Variants in HEATR3 observed in about 807,000 individuals in gnomAD.
HEATR3 encodes HEAT repeat containing 3, also known as HEAT repeat-containing protein 3.
In HEATR3, 56 loss-of-function variants were observed where a neutral mutation model predicts 72.8. The observed-to-expected ratio is 0.77, with a 90% confidence interval of 0.62 to 0.96. The LOEUF is 0.96. Among genes scored for constraint, HEATR3 ranks in the 40% least tolerant of loss-of-function variants. The pLI, the probability that HEATR3 is intolerant of heterozygous loss-of-function variation, is 0.00. For synonymous variants in HEATR3, 331 were observed against 318.1 expected (o/e 1.04, Z -0.43); for missense variants, 747 against 831.4 (o/e 0.90, Z 1.25).
In HEATR3 at chr16:50,066,251, G is replaced by A. The variant is rs1417746390; in HGVS notation, c.120G>A (p.Ala40=). ...GAGGCGAGGAGGACGACGGGCCGGC[G>A]GCGGAGCTGCTGGAAAAGGTGAGGC... is the stretch of plus-strand genomic sequence containing the variant. ...GTGGEEDDGP[A]AELLEKLQHP... The change falls in exon 1 of 15, where the codon GCG becomes GCA. Residue 40 remains alanine, a synonymous_variant. Coordinates refer to ENST00000299192, the MANE Select transcript of HEATR3 (RefSeq NM_182922.4). 6.4e-7 allele frequency: 1 copy of A among 1,563,730 alleles called. No individual in the cohort carries two copies.
At position 50,102,312 on chromosome 16, in the gene HEATR3, A is replaced by G; in HGVS notation, c.1797A>G (p.Val599=). The change falls in exon 14 of 15, where the codon GTA becomes GTG. Residue 599 remains valine, a synonymous_variant. Coordinates refer to ENST00000299192, the MANE Select transcript of HEATR3 (RefSeq NM_182922.4). ...CCACCAAAGATCCTTCCCTTGTGGT[A>G]GCAGGAGAAGCTTTGGATGCCCTCT... is the stretch of plus-strand genomic sequence containing the variant. ...EVTTKDPSLV[V]AGEALDALFD... is the part of the protein sequence containing the mutation. 1 of 1,614,138 alleles carries G rather than the reference A, an allele frequency of 6.2e-7. No individual in the cohort carries two copies.
intron 11 of HEATR3, among the ~76,000 whole-genome samples, chr16:50,088,548 G>A (rs1023130788): frequency 1.3e-5 from 2 of 152,318 alleles, no homozygotes; most frequent in South Asian, 2.1e-4. Flanking sequence ...GAGGCAGCTC[G>A]TCAGTGTGAG....
intron 6 of HEATR3, 130 bp from the exon 7 acceptor site, chr16:50,078,611 A>G: frequency 1.2e-6 from 1 of 828,934 alleles, no homozygotes; most frequent in East Asian, 2.7e-5. Context: ...TTAATAAATA[A>G]TGAACAAAGG....
rs991879561 is a variant in HEATR3 at position 50,078,984 on chromosome 16, T to C, written c.1007T>C (p.Val336Ala). ...EMEGISHKRR[V>A]RRKTFVSDLL... ...GAAGGAATTTCTCATAAAAGAAGAG[T>C]CAGAAGGAAAACTTTCGTTTCAGAT... Residue 336 changes from valine (V) to alanine (A), a missense_variant, in exon 7 of 15, where the codon GTC becomes GCC. By Grantham distance (64) the Val-to-Ala change is moderately conservative. Around this residue, in one of 2 missense-constraint regions of HEATR3, gnomAD observed 586 missense variants for 708.8 expected, o/e 0.83. Coordinates refer to ENST00000299192, the MANE Select transcript of HEATR3 (RefSeq NM_182922.4). 22 of 1,613,090 alleles carry C rather than the reference T, an allele frequency of 1.4e-5. No individual in the cohort carries two copies. The highest frequency in any genetic ancestry group is 1.7e-5 in the Non-Finnish European group (20 of 1,179,684).
intron 3 of HEATR3, 125 bp from the exon 4 acceptor site, chr16:50,070,053 G>T: frequency 4.0e-6 from 2 of 499,958 alleles, no homozygotes; most frequent in Non-Finnish European, 7.3e-6. Flanking sequence ...TGTTTGTAAG[G>T]ATTCGACTGG....
At chr16:50,097,654 C>A (rs2037272545) in intron 12 of HEATR3, among the ~76,000 whole-genome samples, 1 of 152,078 alleles carries the variant, frequency 6.6e-6, no homozygotes, top group Non-Finnish European at 1.5e-5. Context: ...GTGGCTCATG[C>A]CTGTAATCCC....
intron 4 of HEATR3, 130 bp downstream of exon 4, chr16:50,070,420 C>A: frequency 2.5e-6 from 1 of 398,196 alleles, no homozygotes; most frequent in Admixed American, 4.4e-5. Context: ...ATGGTAGGGG[C>A]CGGACATGGT....
chr16:50,102,716 G>C (rs2037395992), intron 14 of HEATR3, among the ~76,000 whole-genome samples: 1 of 152,076 alleles, frequency 6.6e-6, no homozygotes, highest in African/African-American at 2.4e-5. Context: ...ATTATACTCT[G>C]TATTTTGCAA....
Position 50,066,055 on chromosome 16 carries a change from T to C in HEATR3, c.-77T>C. 2.0e-6 allele frequency: 3 copies of C among 1,481,374 alleles called. No homozygotes were observed. The highest frequency in any genetic ancestry group is 2.0e-5 in the Admixed American group (1 of 49,014). The allele number at this position is 1,481,374 out of a possible 1,614,324, so 91.8% of individuals were successfully genotyped here. Reference sequence around the variant, plus strand: ...CCAGCTGAGCAGCAGCAACGGACCTTGTTAACGGCGCGGCAGCCTCCACCG... The same window carrying C: ...CCAGCTGAGCAGCAGCAACGGACCTCGTTAACGGCGCGGCAGCCTCCACCG... On this transcript the variant is annotated 5_prime_UTR_variant, in exon 1 of 15. Coordinates refer to ENST00000299192, the MANE Select transcript of HEATR3 (RefSeq NM_182922.4).
chr16:50,070,347 C>T (rs2036584582), intron 4 of HEATR3, 57 bp downstream of exon 4: 4 of 822,922 alleles, frequency 4.9e-6, no homozygotes, highest in Non-Finnish European at 8.0e-6. Flanking sequence ...CTGCTATTCT[C>T]TGTTATACTG....
rs577340561 is a variant in HEATR3 at position 50,098,341 on chromosome 16, A to G, written c.1600-1889A>G. On this transcript the variant is annotated intron_variant, in intron 12 of 14. Transcript: ENST00000299192. ...AAGTTGGTATACAACCCCCCACGCTAAGTTTGACTGGCTTTAAAAATAATA... is the reference window on the plus strand; with the variant it reads ...AAGTTGGTATACAACCCCCCACGCTGAGTTTGACTGGCTTTAAAAATAATA... 1.2e-3 allele frequency: 177 copies of G among 152,218 alleles called. 1 individual carries two copies. Among genetic ancestry groups the G allele is most frequent in the African/African-American group, 4.2e-3 (173 of 41,552 alleles). 9.4% of individuals were successfully genotyped at this position (152,218 alleles called of 1,614,324 possible). A position where few individuals can be genotyped will look rare whatever the true frequency, so the allele number is the denominator to read the frequency against.
intron 7 of HEATR3, among the ~76,000 whole-genome samples, chr16:50,081,266 C>T (rs1364376224): frequency 6.6e-6 from 1 of 151,980 alleles, no homozygotes; most frequent in Non-Finnish European, 1.5e-5. Flanking sequence ...ATGGTGAAAC[C>T]CCATCTCTAC....
Position 50,105,595 on chromosome 16 carries a change from G to GGCTGTAT in HEATR3, c.*535_*541dup, listed in dbSNP as rs1303349306. 1 of 153,618 alleles carries GGCTGTAT rather than the reference G, an allele frequency of 6.5e-6. No homozygotes were observed. The highest frequency in any genetic ancestry group is 1.4e-5 in the Non-Finnish European group (1 of 69,372). The allele number at this position is 153,618 out of a possible 1,614,324, so 9.5% of individuals were successfully genotyped here. A position where few individuals can be genotyped will look rare whatever the true frequency, so the allele number is the denominator to read the frequency against. On this transcript the variant is annotated 3_prime_UTR_variant, in exon 15 of 15. Coordinates refer to ENST00000299192, the MANE Select transcript of HEATR3 (RefSeq NM_182922.4). Reference sequence around the variant, plus strand: ...TGAGATGGAGTCTCACTGCTGCCCAGGCTGTATTACAGTGCTGCGATCTTG... The same window carrying GGCTGTAT: ...TGAGATGGAGTCTCACTGCTGCCCAGGCTGTATGCTGTATTACAGTGCTGCGATCTTG...
At chr16:50,079,372 G>A (rs565164691) in intron 7 of HEATR3, among the ~76,000 whole-genome samples, 2 of 152,290 alleles carry the variant, frequency 1.3e-5, no homozygotes, top group East Asian at 3.9e-4. Flanking sequence ...AAAGGAATTT[G>A]TACTTTGCCT....
At chr16:50,096,485 A>G (rs1366669516) in intron 12 of HEATR3, among the ~76,000 whole-genome samples, 1 of 151,926 alleles carries the variant, frequency 6.6e-6, no homozygotes, top group Non-Finnish European at 1.5e-5. Context: ...TTCACATACC[A>G]TGCAGTTTAT....
At chr16:50,098,842 G>A (rs1042577622) in intron 12 of HEATR3, among the ~76,000 whole-genome samples, 7 of 151,938 alleles carry the variant, frequency 4.6e-5, no homozygotes, top group African/African-American at 1.7e-4. Context: ...CATTAAAATT[G>A]TAGTGACATT....
intron 5 of HEATR3, chr16:50,074,653 T>G (rs2036683068): frequency 1.3e-5 from 2 of 152,040 alleles, no homozygotes; most frequent in African/African-American, 4.8e-5. Flanking sequence ...GGATAAACTT[T>G]TATAAACATT....
chr16:50,100,062 G>A (rs529653672), intron 12 of HEATR3, among the ~76,000 whole-genome samples, 168 bp from the exon 13 acceptor site: 1 of 148,888 alleles, frequency 6.7e-6, no homozygotes, highest in African/African-American at 2.5e-5. Flanking sequence ...TACCAGCTCT[G>A]TCTGGGAGAA....
intron 7 of HEATR3, among the ~76,000 whole-genome samples, chr16:50,083,731 C>T (rs938655170): frequency 2.6e-5 from 4 of 152,106 alleles, no homozygotes; most frequent in Non-Finnish European, 4.4e-5. Flanking sequence ...ACCCAGTTAA[C>T]GGGGGCATGC....
Sources: allele counts gnomAD v4.1 joint callset (sites outside exome capture counted in the v4.1 genomes callset), GRCh38; gene constraint gnomAD v4.1.1; regional missense constraint gnomAD v4.1.1; transcripts MANE v1.5; gene names NCBI Gene and HGNC (gene_info 2026-07-23, HGNC 2026-07-21).